The following MYT1 variants were observed in gnomAD, a reference collection of about 807,000 sequenced individuals.
MYT1 encodes myelin transcription factor 1.
In MYT1, 23 loss-of-function variants were observed where a neutral mutation model predicts 123.0. That is an observed-to-expected ratio of 0.19 (90% CI 0.13 to 0.26). The LOEUF (loss-of-function observed/expected upper bound fraction) is 0.26. Among genes scored for constraint, MYT1 ranks in the 10% least tolerant of loss-of-function variants. The pLI is 1.00. For synonymous variants in MYT1, 518 were observed against 575.3 expected, an observed-to-expected ratio of 0.90 and a Z score of 1.43; for missense variants, 1,125 against 1,472.5, an observed-to-expected ratio of 0.76 and a Z score of 3.86.
intron 1 of MYT1, among the ~76,000 whole-genome samples, chr20:64,170,884 T>TAG (rs71197459): frequency 0.014 from 290 of 20,014 alleles, 16 homozygotes; most frequent in East Asian, 0.02. Flanking sequence ...TATATATATA[T>TAG]AGAGAGAGAG....
rs200156854 is a variant in MYT1, at chr20:64,205,473, C to G, written c.150-80C>G. Reference sequence around the variant, plus strand: ...GTGGGGAAGGGAGGGAGGGAGGACCCTCGGGAGGGGCTCATGGGGTGTCTG... The same window carrying G: ...GTGGGGAAGGGAGGGAGGGAGGACCGTCGGGAGGGGCTCATGGGGTGTCTG... On this transcript the variant is annotated intron_variant, in intron 5 of 22. Coordinates refer to ENST00000328439, the MANE Select transcript of MYT1 (RefSeq NM_004535.3). The G allele has an allele frequency of 1.5e-4, 227 of 1,560,880 alleles. 1 individual carries two copies. The highest frequency in any genetic ancestry group is 1.1e-4 in the Admixed American group (6 of 53,886).
At position 64,208,108 on chromosome 20, in the gene MYT1, G is replaced by C; in HGVS notation, c.912G>C (p.Glu304Asp). 1 of 1,610,774 alleles carries C rather than the reference G, an allele frequency of 6.2e-7. No homozygotes were observed. Among genetic ancestry groups the C allele is most frequent in the South Asian group, 1.1e-5 (1 of 90,444 alleles). ...AGGAAGAGGAAGAGGAAGAGGAGGAGGAGGAGGCAGCTCCTGATGTGATCT... is the reference window on the plus strand; with the variant it reads ...AGGAAGAGGAAGAGGAAGAGGAGGACGAGGAGGCAGCTCCTGATGTGATCT... ...EEEEEEEEEE[E>D]EEAAPDVIFQ... is the part of the protein sequence containing the mutation. The change falls in exon 7 of 23, where the codon GAG becomes GAC. Residue 304 changes from glutamate to aspartate, a missense_variant. Glu to Asp is a conservative substitution (Grantham distance 45). This residue lies in a region of MYT1 where 406 missense variants were observed against 432.2 expected (regional missense o/e 0.94). Coordinates refer to ENST00000328439, the MANE Select transcript of MYT1 (RefSeq NM_004535.3). This position sits in a 1 kb window ranked among gnomAD's most constrained non-coding sequence, Gnocchi z 5.4.
Position 64,207,760 on chromosome 20 carries a change from C to T in MYT1, c.564C>T (p.Ala188=). The T allele has an allele frequency of 6.2e-7, 1 of 1,613,888 alleles. No homozygotes were observed. Among genetic ancestry groups the T allele is most frequent in the Non-Finnish European group, 8.5e-7 (1 of 1,179,990 alleles). Residue 188 remains alanine (A), a synonymous_variant, in exon 7 of 23, where the codon GCC becomes GCT. Coordinates refer to ENST00000328439, the MANE Select transcript of MYT1 (RefSeq NM_004535.3). Reference sequence around the variant, plus strand: ...TGGAAGAGGACTTGGGCCAGGCGGCCAAGCCAGGTCCTGGCATTGTGCACC... The same window carrying T: ...TGGAAGAGGACTTGGGCCAGGCGGCTAAGCCAGGTCCTGGCATTGTGCACC... ...TLVEEDLGQA[A]KPGPGIVHLL... is the part of the protein sequence containing the mutation.
In MYT1 at chr20:64,232,136, G is replaced by A. The variant is rs769006909; in HGVS notation, c.2676-28G>A. ...CTTCTCCTCCCAACCCTTCGCCCCT[G>A]TACTCACCCCGGCCTCTCTGTACCC... On this transcript the variant is annotated intron_variant, in intron 18 of 22. Transcript: ENST00000328439. The surrounding 1 kb of genome is among the most constrained non-coding windows in gnomAD (Gnocchi z 6.9). 4 of 1,609,826 alleles carry A rather than the reference G, an allele frequency of 2.5e-6. No individual in the cohort carries two copies. In the Admixed American group the frequency reaches 6.7e-5, roughly 27 times the overall value.
In MYT1 at chr20:64,202,829, G is replaced by A. The variant is rs1391795573; in HGVS notation, c.87-2206G>A. Among the ~76,000 whole-genome samples, 1 of 152,226 alleles carries A rather than the reference G, an allele frequency of 6.6e-6. No homozygotes were observed. The highest frequency in any genetic ancestry group is 2.4e-5 in the African/African-American group (1 of 41,466). Reference sequence around the variant, plus strand: ...ATCTCTGACACCAGCCCTAGTCAGAGCTGGGGAGTCAAGGCTGGGGAATTC... The same window carrying A: ...ATCTCTGACACCAGCCCTAGTCAGAACTGGGGAGTCAAGGCTGGGGAATTC... On this transcript the variant is annotated intron_variant, in intron 4 of 22. Coordinates refer to ENST00000328439, the MANE Select transcript of MYT1 (RefSeq NM_004535.3). This position sits in a 1 kb window ranked among gnomAD's most constrained non-coding sequence, Gnocchi z 5.0.
intron 4 of MYT1, among the ~76,000 whole-genome samples, chr20:64,200,996 C>T (rs888055578): frequency 2.6e-5 from 4 of 152,124 alleles, no homozygotes; most frequent in Admixed American, 6.5e-5. Context: ...GTGATTGCGA[C>T]GGCGAGAGAT....
intron 1 of MYT1, among the ~76,000 whole-genome samples, chr20:64,180,251 C>A (rs569403847): frequency 6.6e-6 from 1 of 152,180 alleles, no homozygotes; most frequent in African/African-American, 2.4e-5. Flanking sequence ...CCCTTTTTCA[C>A]CTAGGTCTGT....
In MYT1 at chr20:64,164,576, T is replaced by C. The variant is rs1201861650; in HGVS notation, c.-262T>C. 2 of 152,094 alleles carry C rather than the reference T, an allele frequency of 1.3e-5. No homozygotes were observed. The highest frequency in any genetic ancestry group is 4.8e-5 in the African/African-American group (2 of 41,404). The allele number at this position is 152,094 out of a possible 1,614,324, so 9.4% of individuals were successfully genotyped here. ...GTTCGCACACTAAGGGGAGAAGATATTTAATTGAAACCCGCACGCAGGCTT... is the reference window on the plus strand; with the variant it reads ...GTTCGCACACTAAGGGGAGAAGATACTTAATTGAAACCCGCACGCAGGCTT... On this transcript the variant is annotated 5_prime_UTR_variant, in exon 1 of 23. Coordinates refer to ENST00000328439, the MANE Select transcript of MYT1 (RefSeq NM_004535.3).
Position 64,193,567 on chromosome 20 carries a change from C to CCCCT in MYT1, c.-1+3411_-1+3414dup, listed in dbSNP as rs1421829599. ...GGCCAGACCATGGCTCTGTCTTTCT[C>CCCCT]CCCTCCCCTCACTGCAGAGAAGTGA... On this transcript the variant is annotated intron_variant, in intron 2 of 22. Transcript: ENST00000328439. The surrounding 1 kb of genome is among the most constrained non-coding windows in gnomAD (Gnocchi z 4.0). Among the ~76,000 whole-genome samples the CCCCT allele has an allele frequency of 2.0e-5, 3 of 152,092 alleles. No homozygotes were observed. The highest frequency in any genetic ancestry group is 4.8e-5 in the African/African-American group (2 of 41,410).
In MYT1 at chr20:64,221,869, C is replaced by T. The variant is rs766935812; in HGVS notation, c.2242-24C>T. On this transcript the variant is annotated intron_variant, in intron 13 of 22. Transcript: ENST00000328439. ...AGGCCTCCCCGCCAGCCGGTTAAAA[C>T]ATCTTCCTGCTGGTTTTTTGCAGTC... 6 of 1,611,234 alleles carry T rather than the reference C, an allele frequency of 3.7e-6. No homozygotes were observed. In the South Asian group the frequency reaches 5.5e-5, roughly 15 times the overall value.
Position 64,203,597 on chromosome 20 carries a change from A to G in MYT1, c.87-1438A>G, listed in dbSNP as rs770860306. On this transcript the variant is annotated intron_variant, in intron 4 of 22. Transcript: ENST00000328439. This position sits in a 1 kb window ranked among gnomAD's most constrained non-coding sequence, Gnocchi z 5.1. ...TCCCTCCCTCTCTGTCTTCTTGTTA[A>G]CACACTGAAAACCCCACCCTGGAAG... Among the ~76,000 whole-genome samples the G allele has an allele frequency of 7.5e-4, 114 of 151,830 alleles. No individual in the cohort carries two copies. Among genetic ancestry groups the G allele is most frequent in the Non-Finnish European group, 1.4e-3 (94 of 67,958 alleles).
At chr20:64,210,862 C>G (rs543749414) in intron 7 of MYT1, among the ~76,000 whole-genome samples, 27 of 152,392 alleles carry the variant, frequency 1.8e-4, no homozygotes, top group African/African-American at 6.0e-4. Flanking sequence ...TGCCAAACGC[C>G]TTGACCTCTC....
At chr20:64,200,621 G>A (rs1357476958) in intron 4 of MYT1, among the ~76,000 whole-genome samples, 2 of 152,178 alleles carry the variant, frequency 1.3e-5, no homozygotes, top group South Asian at 4.1e-4. Context: ...GGAGGGAGTT[G>A]GGGTGCTGCA....
rs371950154 is a variant in MYT1, at chr20:64,216,083, T to C, written c.1632-984T>C. On this transcript the variant is annotated intron_variant, in intron 10 of 22. Transcript: ENST00000328439. Reference sequence around the variant, plus strand: ...GGCCGTGGTTGCAGGGCTGGCCTGGTGGTCCTCTGTGCTGGGCTCTGTTCT... The same window carrying C: ...GGCCGTGGTTGCAGGGCTGGCCTGGCGGTCCTCTGTGCTGGGCTCTGTTCT... Among the ~76,000 whole-genome samples, 331 of 152,308 alleles carry C rather than the reference T, an allele frequency of 2.2e-3. 19 individuals carry two copies. In the South Asian group the frequency reaches 0.066, roughly 30 times the overall value.
chr20:64,216,924 T>G, intron 10 of MYT1, 143 bp from the exon 11 acceptor site: 1 of 737,248 alleles, frequency 1.4e-6, no homozygotes, highest in Non-Finnish European at 2.3e-6. Flanking sequence ...TGGTGGAATA[T>G]GCAGGGGTAG....
chr20:64,178,518 C>T lies in MYT1; in HGVS notation c.-98-11545C>T, dbSNP rs58231615. ...ACCCTTCAACGTGGGAGCACTGAGC[C>T]GTTATTCGGTGGGATACCCTTCAAC... On this transcript the variant is annotated intron_variant, in intron 1 of 22. Transcript: ENST00000328439. 6.6e-3 allele frequency among the ~76,000 whole-genome samples: 933 copies of T among 141,530 alleles called. 1 individual carries two copies. The highest frequency in any genetic ancestry group is 0.047 in the South Asian group (167 of 3,578). The allele number at this position is 141,530 out of a possible 152,430, so 92.8% of individuals were successfully genotyped here.
rs1764942345 is a variant in MYT1 at position 64,208,942 on chromosome 20, G to A, written c.1291+455G>A. On this transcript the variant is annotated intron_variant, in intron 7 of 22. Coordinates refer to ENST00000328439, the MANE Select transcript of MYT1 (RefSeq NM_004535.3). This position sits in a 1 kb window ranked among gnomAD's most constrained non-coding sequence, Gnocchi z 5.4. ...AGACCAGCAGGCAGATGTGAGGGGT[G>A]CCCTTGCTCCTCAGAGGGAGCAGCC... Among the ~76,000 whole-genome samples, 1 of 150,178 alleles carries A rather than the reference G, an allele frequency of 6.7e-6. No individual in the cohort carries two copies. The highest frequency in any genetic ancestry group is 2.4e-5 in the African/African-American group (1 of 41,178).
At chr20:64,165,311 A>C (rs1982048715) in intron 1 of MYT1, among the ~76,000 whole-genome samples, 1 of 152,078 alleles carries the variant, frequency 6.6e-6, no homozygotes, top group African/African-American at 2.4e-5. Flanking sequence ...TGTGGGATAG[A>C]TGTGCAGAAG....
At chr20:64,206,344 G>A (rs1211479736) in intron 6 of MYT1, among the ~76,000 whole-genome samples, 3 of 152,192 alleles carry the variant, frequency 2.0e-5, no homozygotes, top group Non-Finnish European at 2.9e-5. Context: ...GGCCAAGAGG[G>A]GAAGGAGGAA....
Sources: allele counts gnomAD v4.1 joint callset (sites outside exome capture counted in the v4.1 genomes callset), GRCh38; gene constraint gnomAD v4.1.1; regional missense constraint gnomAD v4.1.1; non-coding constraint Gnocchi (gnomAD v3.1); transcripts MANE v1.5; gene names NCBI Gene and HGNC (gene_info 2026-07-23, HGNC 2026-07-21).